Variants in ROBO1 observed in about 807,000 individuals in gnomAD.
The protein encoded by ROBO1 is roundabout homolog 1.
A neutral mutation model predicts 195.9 loss-of-function variants in ROBO1; 149 were observed. That is an observed-to-expected ratio of 0.76 (90% CI 0.67 to 0.87). The LOEUF is 0.87. ROBO1 is among the 40% of genes least tolerant of loss of function. ROBO1 has a pLI of 0.00. For missense variants in ROBO1, 1,933 were observed against 2,068.3 expected (o/e 0.93, Z 1.27); for synonymous variants, 816 against 733.2 (o/e 1.11, Z -1.82).
intron 2 of ROBO1, among the ~76,000 whole-genome samples, chr3:79,148,084 C>A (rs762757668): frequency 7.9e-5 from 12 of 151,728 alleles, no homozygotes; most frequent in Admixed American, 2.0e-4. Context: ...CTGTCATATC[C>A]CCACTGTTCA....
Position 78,662,079 on chromosome 3 carries a change from G to A in ROBO1, c.2002C>T (p.Gln668Ter). 6.3e-7 allele frequency: 1 copy of A among 1,575,726 alleles called. No individual in the cohort carries two copies. The highest frequency in any genetic ancestry group is 8.6e-7 in the Non-Finnish European group (1 of 1,159,556). Reference protein sequence around the residue: ...LPTSQGVDHKQVQRELGNAVL... With the variant: ...LPTSQGVDHK ...GCATTTCCCAGCTCTCTCTGGACCT[G>A]CTTGTGGTCCACCCCCTGACTTGTT... The change falls in exon 15 of 31, where the codon CAG becomes TAG. Residue 668 changes from glutamine (Q) to a stop codon, truncating the protein, a stop_gained. Transcript: ENST00000464233. LOFTEE classifies it high-confidence loss of function.
chr3:78,916,088 A>G (rs1021265221), intron 4 of ROBO1, among the ~76,000 whole-genome samples: 7 of 151,384 alleles, frequency 4.6e-5, no homozygotes, highest in African/African-American at 1.7e-4. Context: ...CGTCTCTACT[A>G]AAAATACAAA....
At chr3:79,654,026 C>T (rs1300835776) in intron 1 of ROBO1, among the ~76,000 whole-genome samples, 3 of 151,938 alleles carry the variant, frequency 2.0e-5, no homozygotes, top group Non-Finnish European at 4.4e-5. Context: ...AACCTTATGA[C>T]ATATCCAGAA....
chr3:79,393,386 C>T (rs953329061), intron 2 of ROBO1, among the ~76,000 whole-genome samples: 9 of 152,178 alleles, frequency 5.9e-5, no homozygotes, highest in African/African-American at 2.2e-4. Context: ...TACTACTCTT[C>T]ATGGTTGAGA....
intron 2 of ROBO1, among the ~76,000 whole-genome samples, chr3:79,298,470 CT>C (rs1377033141): frequency 2.6e-5 from 4 of 152,084 alleles, no homozygotes; most frequent in Non-Finnish European, 5.9e-5. Flanking sequence ...TCCTTGCTGT[CT>C]GTTTCTCTAT....
At chr3:78,641,167 G>A (rs1243503617) in intron 21 of ROBO1, among the ~76,000 whole-genome samples, 6 of 152,084 alleles carry the variant, frequency 3.9e-5, no homozygotes, top group African/African-American at 1.2e-4. Flanking sequence ...TGGTCATCAC[G>A]ACAATTTTAC....
chr3:79,154,153 A>C (rs1232813846), intron 2 of ROBO1, among the ~76,000 whole-genome samples: 1 of 151,794 alleles, frequency 6.6e-6, no homozygotes, highest in Non-Finnish European at 1.5e-5. Context: ...CTGCCCATAC[A>C]TAATGGGTTC....
intron 1 of ROBO1, among the ~76,000 whole-genome samples, chr3:79,631,502 C>T (rs1482709233): frequency 6.6e-6 from 1 of 152,012 alleles, no homozygotes; most frequent in Non-Finnish European, 1.5e-5. Context: ...GGATTAAAGA[C>T]TTAATTATAA....
At chr3:79,438,291 A>G (rs1174400734) in intron 2 of ROBO1, among the ~76,000 whole-genome samples, 1 of 151,912 alleles carries the variant, frequency 6.6e-6, no homozygotes, top group African/African-American at 2.4e-5. Context: ...AGGACTGTTG[A>G]TACTGCCAAC....
intron 1 of ROBO1, among the ~76,000 whole-genome samples, chr3:79,649,404 GATA>G (rs1325193176): frequency 6.6e-6 from 1 of 151,696 alleles, no homozygotes; most frequent in East Asian, 1.9e-4. Flanking sequence ...AACCTGAAGC[GATA>G]ATAAAGACTT....
chr3:79,266,527 A>G (rs58296970), intron 2 of ROBO1, among the ~76,000 whole-genome samples: 2,823 of 151,592 alleles, frequency 0.019, 68 homozygotes, highest in African/African-American at 0.059. Flanking sequence ...AGAATCCCAA[A>G]CATTTCATGG....
chr3:78,933,836 A>G (rs944811867), intron 4 of ROBO1, among the ~76,000 whole-genome samples: 1 of 152,024 alleles, frequency 6.6e-6, no homozygotes, highest in African/African-American at 2.4e-5. Flanking sequence ...AGTGGACTCA[A>G]GATTATTTGC....
chr3:79,522,704 T>C (rs900650895), intron 2 of ROBO1, among the ~76,000 whole-genome samples: 7 of 152,208 alleles, frequency 4.6e-5, no homozygotes, highest in African/African-American at 1.7e-4. Context: ...AATGTATCGA[T>C]ACGTCATTAT....
intron 1 of ROBO1, among the ~76,000 whole-genome samples, chr3:79,620,251 T>G (rs1944963018): frequency 6.6e-6 from 1 of 152,190 alleles, no homozygotes; most frequent in African/African-American, 2.4e-5. Flanking sequence ...GATCTTGGAC[T>G]GACTCCTTCC....
chr3:79,743,095 G>C (rs1331701809), intron 1 of ROBO1, among the ~76,000 whole-genome samples: 2 of 152,166 alleles, frequency 1.3e-5, no homozygotes, highest in Non-Finnish European at 2.9e-5. Flanking sequence ...GACTTTATGG[G>C]CAGTGATCAT....
chr3:78,646,119 A>G, intron 21 of ROBO1, 29 bp downstream of exon 21: 1 of 1,590,834 alleles, frequency 6.3e-7, no homozygotes, highest in Non-Finnish European at 8.6e-7. Flanking sequence ...AATTCCCTGT[A>G]GGATCTACAA....
chr3:79,497,789 C>T (rs574739326), intron 2 of ROBO1, among the ~76,000 whole-genome samples: 2 of 152,156 alleles, frequency 1.3e-5, no homozygotes, highest in South Asian at 4.1e-4. Context: ...TAATATTTTT[C>T]TTTTAAAACG....
intron 1 of ROBO1, among the ~76,000 whole-genome samples, chr3:79,611,496 A>C (rs1240766976): frequency 6.6e-6 from 1 of 152,150 alleles, no homozygotes; most frequent in Non-Finnish European, 1.5e-5. Flanking sequence ...CCAAATGTCC[A>C]TCAATGATAG....
rs1319373316 is a variant in ROBO1 at position 79,523,495 on chromosome 3, G to A, written c.88+66329C>T. On this transcript the variant is annotated intron_variant, in intron 2 of 30. Coordinates refer to ENST00000464233, the MANE Select transcript of ROBO1 (RefSeq NM_002941.4). The stretch of plus-strand genomic sequence containing the variant: ...TTCTTTTTTTTTTTTTTTTTGAGAA[G>A]GAGTTTTGCTCTTGTTGTCCAGGCT... 7.3e-5 allele frequency among the ~76,000 whole-genome samples: 10 copies of A among 137,382 alleles called. 1 individual carries two copies. In the South Asian group the frequency reaches 9.5e-4, roughly 13 times the overall value. 90.1% of individuals were successfully genotyped at this position (137,382 alleles called of 152,430 possible).
Sources: gnomAD v4.1 joint callset for allele counts (sites outside exome capture counted in the v4.1 genomes callset) on GRCh38, gnomAD v4.1.1 for gene constraint, MANE v1.5 for transcripts, NCBI Gene and HGNC (gene_info 2026-07-23, HGNC 2026-07-21) for gene names.